TACR3: variants seen among roughly 807,000 people sequenced by gnomAD.
The protein encoded by TACR3 is tachykinin receptor 3.
In TACR3, 34 loss-of-function variants were observed where a neutral mutation model predicts 35.0. The observed-to-expected ratio is 0.97, with a 90% CI of 0.74 to 1.30. TACR3 has a LOEUF of 1.30. Among genes scored for constraint, TACR3 ranks in the 50% most tolerant of loss-of-function variants. The probability of loss-of-function intolerance (pLI) is 0.00; values close to 1 mark genes in which losing one functional copy is unlikely to be tolerated. For missense variants in TACR3, 558 were observed against 591.7 expected (o/e 0.94, Z 0.59); for synonymous variants, 233 against 221.1 (o/e 1.05, Z -0.48).
At chr4:103,703,380 T>C (rs1220705038) in intron 1 of TACR3, among the ~76,000 whole-genome samples, 2 of 152,122 alleles carry the variant, frequency 1.3e-5, no homozygotes, top group Non-Finnish European at 2.9e-5. Context: ...TGTGAAAGAA[T>C]AGCATTTTGT....
chr4:103,607,687 G>A (rs1724413289), intron 3 of TACR3, among the ~76,000 whole-genome samples: 3 of 152,022 alleles, frequency 2.0e-5, no homozygotes, highest in Admixed American at 6.6e-5. Context: ...CATTTTAGAT[G>A]ATATTTAATG....
At chr4:103,700,691 G>A (rs1722629817) in intron 1 of TACR3, among the ~76,000 whole-genome samples, 1 of 152,110 alleles carries the variant, frequency 6.6e-6, no homozygotes, top group South Asian at 2.1e-4. Flanking sequence ...TTTTTAAAAT[G>A]TTGCTGTACC....
intron 3 of TACR3, among the ~76,000 whole-genome samples, chr4:103,623,525 C>T (rs17033914): frequency 0.024 from 3,582 of 152,122 alleles, 129 homozygotes; most frequent in African/African-American, 0.081. Context: ...TATAGCAAAA[C>T]GTATCTGAAC....
chr4:103,596,588 T>A (rs1027421678), intron 3 of TACR3, among the ~76,000 whole-genome samples: 7 of 152,110 alleles, frequency 4.6e-5, no homozygotes, highest in Non-Finnish European at 1.0e-4. Flanking sequence ...TTGTTTTGAT[T>A]AGAATCCTTT....
At chr4:103,657,218 G>GT (rs11445973) in intron 2 of TACR3, among the ~76,000 whole-genome samples, 57,615 of 151,552 alleles carry the variant, frequency 0.38, 12,010 homozygotes, top group African/African-American at 0.56. Flanking sequence ...CCATACCAGT[G>GT]TTTTTTTTGT....
chr4:103,644,361 C>A (rs1725417653), intron 3 of TACR3, among the ~76,000 whole-genome samples: 1 of 151,820 alleles, frequency 6.6e-6, no homozygotes, highest in East Asian at 1.9e-4. Context: ...CAGATGTTTT[C>A]TGACTTTGTT....
At chr4:103,626,467 G>A (rs1306270313) in intron 3 of TACR3, among the ~76,000 whole-genome samples, 2 of 152,076 alleles carry the variant, frequency 1.3e-5, no homozygotes, top group Admixed American at 6.5e-5. Context: ...CGTATAGCTG[G>A]TGTAACCAGC....
intron 3 of TACR3, among the ~76,000 whole-genome samples, chr4:103,631,644 C>T (rs563068286): frequency 5.3e-5 from 8 of 152,218 alleles, no homozygotes; most frequent in African/African-American, 1.7e-4. Flanking sequence ...AGCTGAGTAC[C>T]GTGTTGGAAA....
intron 3 of TACR3, among the ~76,000 whole-genome samples, chr4:103,605,942 GT>G (rs1214535175): frequency 6.6e-6 from 1 of 152,040 alleles, no homozygotes; most frequent in Non-Finnish European, 1.5e-5. Context: ...TTCTTCTAGG[GT>G]TTTTATGGTT....
chr4:103,634,490 C>T (rs1261498252), intron 3 of TACR3, among the ~76,000 whole-genome samples: 1 of 147,826 alleles, frequency 6.8e-6, no homozygotes, highest in Non-Finnish European at 1.5e-5. Flanking sequence ...TGATAGAATG[C>T]TGTTCTCTTC....
intron 3 of TACR3, among the ~76,000 whole-genome samples, chr4:103,649,867 GT>G (rs1219043404): frequency 2.6e-5 from 4 of 152,036 alleles, no homozygotes; most frequent in Non-Finnish European, 5.9e-5. Context: ...ATTGCATGAG[GT>G]CATGTTTTCC....
At chr4:103,658,072 A>G in intron 2 of TACR3, 143 bp downstream of exon 2, 1 of 808,454 alleles carries the variant, frequency 1.2e-6, no homozygotes, top group Non-Finnish European at 2.0e-6. Flanking sequence ...ATACCATATT[A>G]CAGTATTTTT....
chr4:103,700,712 G>A (rs951087898), intron 1 of TACR3, among the ~76,000 whole-genome samples: 1 of 152,116 alleles, frequency 6.6e-6, no homozygotes, highest in Non-Finnish European at 1.5e-5. Context: ...AAGATCAAGT[G>A]GGCTTCATCC....
intron 1 of TACR3, among the ~76,000 whole-genome samples, chr4:103,705,672 G>C (rs746102170): frequency 2.0e-5 from 3 of 152,166 alleles, no homozygotes; most frequent in Admixed American, 6.5e-5. Flanking sequence ...TAAAAGTGAC[G>C]TTTGAACTGT....
At chr4:103,699,399 G>A (rs535315763) in intron 1 of TACR3, among the ~76,000 whole-genome samples, 2 of 152,172 alleles carry the variant, frequency 1.3e-5, no homozygotes, top group African/African-American at 4.8e-5. Flanking sequence ...GAGTAACAAA[G>A]GACCAGCTAG....
intron 1 of TACR3, among the ~76,000 whole-genome samples, chr4:103,713,866 A>G (rs1395414091): frequency 6.6e-6 from 1 of 152,148 alleles, no homozygotes; most frequent in Non-Finnish European, 1.5e-5. Flanking sequence ...ATATCAGAAA[A>G]GTTGGAAGCC....
At chr4:103,667,289 A>T (rs952665155) in intron 1 of TACR3, among the ~76,000 whole-genome samples, 43 of 152,054 alleles carry the variant, frequency 2.8e-4, no homozygotes, top group African/African-American at 9.4e-4. Context: ...AAAACAAAAA[A>T]ACTTTGAGCT....
chr4:103,681,436 A>G (rs1722083631), intron 1 of TACR3, among the ~76,000 whole-genome samples: 2 of 152,054 alleles, frequency 1.3e-5, no homozygotes, highest in South Asian at 4.1e-4. Context: ...AGCTTAATGG[A>G]CCTTATATAA....
At position 103,588,275 on chromosome 4, in the gene TACR3, A is replaced by G. The variant is rs1723816449; in HGVS notation, c.*1407T>C. ...AATATCTTTAAAAATCAAACTGAAG[A>G]GTTTAAAGGAGAAGTTTGTACTACA... On this transcript the variant is annotated 3_prime_UTR_variant, in exon 5 of 5. Transcript: ENST00000304883. The G allele has an allele frequency of 6.6e-6, 1 of 152,106 alleles. No individual in the cohort carries two copies. Among genetic ancestry groups the G allele is most frequent in the South Asian group, 2.1e-4 (1 of 4,826 alleles). The allele number at this position is 152,106 out of a possible 1,614,324, so 9.4% of individuals were successfully genotyped here.
Sources: gnomAD v4.1 joint callset for allele counts (sites outside exome capture counted in the v4.1 genomes callset) on GRCh38, gnomAD v4.1.1 for gene constraint, MANE v1.5 for transcripts, NCBI Gene and HGNC (gene_info 2026-07-23, HGNC 2026-07-21) for gene names.